The following PTPRN2 variants were observed in gnomAD, a reference collection of about 807,000 sequenced individuals.
PTPRN2 encodes protein tyrosine phosphatase receptor type N2.
In PTPRN2, 74 loss-of-function variants were observed where a neutral mutation model predicts 118.8. That is an observed-to-expected ratio of 0.62 (90% CI 0.52 to 0.76). The LOEUF (loss-of-function observed/expected upper bound fraction) is 0.76, where lower values mean the gene tolerates loss of function less well. PTPRN2 is among the 30% of genes least tolerant of loss of function. The pLI is 0.00. For missense variants in PTPRN2, 1,481 were observed against 1,394.4 expected (o/e 1.06, Z -0.99); for synonymous variants, 641 against 608.0 (o/e 1.05, Z -0.80).
chr7:158,234,354 C>T (rs954310172), intron 3 of PTPRN2, among the ~76,000 whole-genome samples: 3 of 149,494 alleles, frequency 2.0e-5, no homozygotes, highest in Non-Finnish European at 4.4e-5. Context: ...AAATGGCCAA[C>T]AGGTACAGTC....
chr7:158,145,500 T>C (rs1819856900), intron 6 of PTPRN2, among the ~76,000 whole-genome samples: 1 of 152,170 alleles, frequency 6.6e-6, no homozygotes, highest in Non-Finnish European at 1.5e-5. Flanking sequence ...CTGGCAGGCA[T>C]CCACCCTTGA....
chr7:158,548,172 C>T (rs1272664112), intron 1 of PTPRN2, among the ~76,000 whole-genome samples: 2 of 152,218 alleles, frequency 1.3e-5, no homozygotes, highest in Non-Finnish European at 2.9e-5. Context: ...GCAGGACCAG[C>T]ACTGGAGGAG....
intron 2 of PTPRN2, among the ~76,000 whole-genome samples, chr7:158,392,873 G>C (rs1206177741): frequency 6.6e-6 from 1 of 152,178 alleles, no homozygotes; most frequent in African/African-American, 2.4e-5. Context: ...GCCCCTCTCG[G>C]TAGAATTTTA....
intron 2 of PTPRN2, among the ~76,000 whole-genome samples, chr7:158,373,983 G>C (rs997079324): frequency 6.6e-6 from 1 of 152,188 alleles, no homozygotes; most frequent in African/African-American, 2.4e-5. Context: ...GTGGGTGCTG[G>C]GCTGGGCCCT....
intron 10 of PTPRN2, among the ~76,000 whole-genome samples, chr7:158,096,420 C>A (rs1488605505): frequency 6.6e-6 from 1 of 152,220 alleles, no homozygotes; most frequent in Admixed American, 6.5e-5. Context: ...AACAAGGCTC[C>A]ACCAATATTT....
At chr7:157,562,062 C>T (rs947398786) in intron 21 of PTPRN2, among the ~76,000 whole-genome samples, 7 of 152,290 alleles carry the variant, frequency 4.6e-5, no homozygotes, top group East Asian at 3.9e-4. Context: ...GCGCCCCCCA[C>T]GCCACAGAAA....
intron 11 of PTPRN2, among the ~76,000 whole-genome samples, chr7:158,023,588 C>A (rs140135221): frequency 2.0e-5 from 3 of 152,180 alleles, no homozygotes; most frequent in Non-Finnish European, 4.4e-5. Context: ...TCCCTTCTTG[C>A]GGTGTCCCCC....
chr7:157,946,336 C>T (rs1420841696), intron 11 of PTPRN2, among the ~76,000 whole-genome samples: 6 of 152,012 alleles, frequency 3.9e-5, no homozygotes, highest in Admixed American at 3.9e-4. Flanking sequence ...AGAGTTTCCT[C>T]AATCCTGGAA....
At chr7:158,534,721 C>T (rs546650387) in intron 1 of PTPRN2, among the ~76,000 whole-genome samples, 1 of 152,318 alleles carries the variant, frequency 6.6e-6, no homozygotes, top group African/African-American at 2.4e-5. Context: ...TGGCCATCTG[C>T]CCGGGCATGT....
At chr7:157,653,346 G>A (rs947786312) in intron 14 of PTPRN2, among the ~76,000 whole-genome samples, 5 of 152,212 alleles carry the variant, frequency 3.3e-5, no homozygotes, top group African/African-American at 1.2e-4. Context: ...GGCCGGTTGG[G>A]TGTCTGGCGG....
At chr7:158,261,203 G>A (rs1322652632) in intron 3 of PTPRN2, among the ~76,000 whole-genome samples, 2 of 152,174 alleles carry the variant, frequency 1.3e-5, no homozygotes, top group Non-Finnish European at 2.9e-5. Flanking sequence ...GCAGCTCAGA[G>A]AGCAGGTGGC....
rs566202355 is a variant in PTPRN2 at position 157,846,815 on chromosome 7, C to T, written c.1788+51858G>A. Among the ~76,000 whole-genome samples the T allele has an allele frequency of 5.7e-3, 860 of 151,262 alleles. 2 individuals carry two copies. The highest frequency in any genetic ancestry group is 0.01 in the Non-Finnish European group (682 of 67,434). On this transcript the variant is annotated intron_variant, in intron 12 of 22. Coordinates refer to ENST00000389418, the MANE Select transcript of PTPRN2 (RefSeq NM_002847.5). ...GCGTGCCCGATATCTACAGAGCCCT[C>T]TCTCACTCCATCATGCGTGCCCGAT...
intron 6 of PTPRN2, among the ~76,000 whole-genome samples, chr7:158,153,914 T>G (rs1821449313): frequency 6.6e-6 from 1 of 151,374 alleles, no homozygotes; most frequent in Non-Finnish European, 1.5e-5. Flanking sequence ...GGAAGGCAGG[T>G]ACAGCAGGGT....
chr7:158,376,503 GCC>G (rs1810527053), intron 2 of PTPRN2, among the ~76,000 whole-genome samples: 1 of 132,264 alleles, frequency 7.6e-6, no homozygotes, highest in Non-Finnish European at 1.6e-5. Context: ...CTCCCCTACA[GCC>G]CTGTCACACG....
At chr7:158,203,381 C>A (rs74461811) in intron 4 of PTPRN2, among the ~76,000 whole-genome samples, 2,502 of 152,164 alleles carry the variant, frequency 0.016, 39 homozygotes, top group South Asian at 0.058. Context: ...AGATAACATA[C>A]CATTTTTCAT....
chr7:158,070,813 A>G (rs111161553), intron 11 of PTPRN2, among the ~76,000 whole-genome samples: 3,083 of 13,328 alleles, frequency 0.23, 2 homozygotes, highest in Non-Finnish European at 0.24. Context: ...CGTGGTGGTG[A>G]AGGTGCCCGT....
At chr7:157,612,530 G>A (rs1046848982) in intron 15 of PTPRN2, among the ~76,000 whole-genome samples, 30 of 152,344 alleles carry the variant, frequency 2.0e-4, no homozygotes, top group Admixed American at 1.5e-3. Flanking sequence ...CTGGCTTGTG[G>A]CTGTGCTGCC....
chr7:157,880,428 T>A (rs1260877072), intron 12 of PTPRN2, among the ~76,000 whole-genome samples: 2 of 152,200 alleles, frequency 1.3e-5, no homozygotes, highest in African/African-American at 4.8e-5. Flanking sequence ...ACATCAAGAA[T>A]TTTTTAGGGT....
rs1278591574 is a variant in PTPRN2 at position 157,591,287 on chromosome 7, A to G, written c.2496+3951T>C. On this transcript the variant is annotated intron_variant, in intron 17 of 22. Coordinates refer to ENST00000389418, the MANE Select transcript of PTPRN2 (RefSeq NM_002847.5). The surrounding 1 kb of genome is among the most constrained non-coding windows in gnomAD (Gnocchi z 4.4). ...TTCCTGGAATTTGCTGATTACCGAC[A>G]GAGAAGAAACACCTGTGGACCTGCC... Among the ~76,000 whole-genome samples the G allele has an allele frequency of 1.3e-5, 2 of 152,208 alleles. No homozygotes were observed. The highest frequency in any genetic ancestry group is 2.9e-5 in the Non-Finnish European group (2 of 68,038).
Sources: gnomAD v4.1 joint callset for allele counts (sites outside exome capture counted in the v4.1 genomes callset) on GRCh38, gnomAD v4.1.1 for gene constraint, Gnocchi (gnomAD v3.1) non-coding constraint, MANE v1.5 for transcripts, NCBI Gene and HGNC (gene_info 2026-07-23, HGNC 2026-07-21) for gene names.